PTPRD: variants seen among roughly 807,000 people sequenced by gnomAD.
The protein encoded by PTPRD is protein tyrosine phosphatase receptor type D, also known as receptor-type tyrosine-protein phosphatase delta.
Under a neutral mutation model 214.5 loss-of-function variants are expected in PTPRD, and 34 were observed. The ratio of observed to expected loss-of-function variants is 0.16; its 90% CI spans 0.12 to 0.21. The LOEUF (loss-of-function observed/expected upper bound fraction) is 0.21. Among genes scored for constraint, PTPRD ranks in the 10% least tolerant of loss-of-function variants. The pLI is 1.00. For missense variants in PTPRD, 2,545 were observed against 2,398.7 expected (o/e 1.06, Z -1.27); for synonymous variants, 1,128 against 845.7 (o/e 1.33, Z -5.79).
intron 5 of PTPRD, among the ~76,000 whole-genome samples, chr9:9,839,826 G>C (rs906215188): frequency 8.6e-5 from 13 of 151,888 alleles, no homozygotes; most frequent in Non-Finnish European, 1.5e-4. Flanking sequence ...AAGAAGCCTC[G>C]ATCTCTAATC....
intron 5 of PTPRD, among the ~76,000 whole-genome samples, chr9:9,866,643 TC>T (rs1237733910): frequency 1.3e-5 from 2 of 152,170 alleles, no homozygotes; most frequent in Non-Finnish European, 2.9e-5. Context: ...TAAATTTTCT[TC>T]TTGAAATTAG....
At chr9:9,939,323 G>C (rs956654674) in intron 4 of PTPRD, among the ~76,000 whole-genome samples, 1 of 152,124 alleles carries the variant, frequency 6.6e-6, no homozygotes, top group Non-Finnish European at 1.5e-5. Context: ...CCTTGCTCCA[G>C]TTTGGTAGAC....
chr9:8,617,734 C>G (rs1486958510), intron 14 of PTPRD, among the ~76,000 whole-genome samples: 1 of 151,924 alleles, frequency 6.6e-6, no homozygotes, highest in African/African-American at 2.4e-5. Flanking sequence ...AGTAGATAAA[C>G]TTTCTTAAAA....
chr9:8,945,579 A>G (rs549598984), intron 11 of PTPRD, among the ~76,000 whole-genome samples: 1 of 152,214 alleles, frequency 6.6e-6, no homozygotes, highest in African/African-American at 2.4e-5. Context: ...TTGAAAAAAG[A>G]CACAATAAAC....
chr9:9,241,663 C>T (rs921687951), intron 9 of PTPRD, among the ~76,000 whole-genome samples: 1 of 151,856 alleles, frequency 6.6e-6, no homozygotes, highest in Admixed American at 6.6e-5. Context: ...ACTAGGATTG[C>T]AACCCCTGCC....
In PTPRD at chr9:9,429,708, C is replaced by A. The variant is rs980479144; in HGVS notation, c.-236-32226G>T. Among the ~76,000 whole-genome samples, 52 of 152,180 alleles carry A rather than the reference C, an allele frequency of 3.4e-4. 1 individual carries two copies. The highest frequency in any genetic ancestry group is 1.2e-3 in the African/African-American group (48 of 41,440). ...CATCAAAAAGCTTATCCACCATGAT[C>A]AAGTGGGCTTCATCCCTGGAATGCA... is the stretch of plus-strand genomic sequence containing the variant. On this transcript the variant is annotated intron_variant, in intron 8 of 45. Coordinates refer to ENST00000381196, the MANE Select transcript of PTPRD (RefSeq NM_002839.4).
chr9:10,292,327 A>T (rs754326945), intron 3 of PTPRD, among the ~76,000 whole-genome samples: 6 of 152,004 alleles, frequency 3.9e-5, no homozygotes, highest in Non-Finnish European at 7.4e-5. Flanking sequence ...CCACTATCCT[A>T]GTCCAAACCA....
chr9:9,261,918 G>A (rs919240185), intron 9 of PTPRD, among the ~76,000 whole-genome samples: 4 of 151,702 alleles, frequency 2.6e-5, no homozygotes, highest in Non-Finnish European at 4.4e-5. Context: ...TCCCAGGAAG[G>A]CATCCTACTA....
chr9:9,447,625 G>A (rs995318711), intron 8 of PTPRD, among the ~76,000 whole-genome samples: 1 of 151,940 alleles, frequency 6.6e-6, no homozygotes, highest in Non-Finnish European at 1.5e-5. Context: ...AATGGCAAAT[G>A]TTTACCTGTA....
intron 9 of PTPRD, among the ~76,000 whole-genome samples, chr9:9,388,726 G>C (rs1354008361): frequency 6.6e-6 from 1 of 152,132 alleles, no homozygotes; most frequent in South Asian, 2.1e-4. Flanking sequence ...TTTTATTCCA[G>C]TAATTATAGG....
At chr9:10,272,352 G>A (rs2094467231) in intron 3 of PTPRD, among the ~76,000 whole-genome samples, 1 of 152,114 alleles carries the variant, frequency 6.6e-6, no homozygotes, top group South Asian at 2.1e-4. Flanking sequence ...TTTATGTGTT[G>A]ATGGATATTT....
At chr9:9,121,315 A>G (rs1425548919) in intron 10 of PTPRD, among the ~76,000 whole-genome samples, 1 of 152,210 alleles carries the variant, frequency 6.6e-6, no homozygotes, top group Non-Finnish European at 1.5e-5. Flanking sequence ...GAGCAATGAC[A>G]CTACTGGGTA....
chr9:8,979,994 A>C (rs989257768), intron 11 of PTPRD, among the ~76,000 whole-genome samples: 1 of 152,120 alleles, frequency 6.6e-6, no homozygotes, highest in Non-Finnish European at 1.5e-5. Context: ...GGATACAGAA[A>C]ATGTGGTGTG....
At chr9:9,460,595 G>T (rs7857812) in intron 8 of PTPRD, among the ~76,000 whole-genome samples, 26,215 of 151,750 alleles carry the variant, frequency 0.17, 2,668 homozygotes, top group African/African-American at 0.27. Flanking sequence ...AATAATCATC[G>T]AAGCGATGCA....
intron 11 of PTPRD, among the ~76,000 whole-genome samples, chr9:8,952,157 G>T (rs1262101692): frequency 2.6e-5 from 4 of 151,824 alleles, no homozygotes; most frequent in African/African-American, 7.3e-5. Flanking sequence ...TTTCATGAGG[G>T]CAGGGACTTT....
chr9:10,176,683 A>G (rs1421578131), intron 3 of PTPRD, among the ~76,000 whole-genome samples: 1 of 151,976 alleles, frequency 6.6e-6, no homozygotes, highest in Non-Finnish European at 1.5e-5. Context: ...CTTTAGGAGT[A>G]GCCTCCAGAG....
chr9:10,008,856 G>T (rs1238094856), intron 4 of PTPRD, among the ~76,000 whole-genome samples: 1 of 151,964 alleles, frequency 6.6e-6, no homozygotes, highest in African/African-American at 2.4e-5. Context: ...AACCACACTT[G>T]CCTCTGGTGA....
At chr9:8,743,506 A>G (rs564418278) in intron 11 of PTPRD, among the ~76,000 whole-genome samples, 1 of 152,308 alleles carries the variant, frequency 6.6e-6, no homozygotes. Flanking sequence ...ATAGAGATCA[A>G]TAGTGGAACG....
At chr9:9,842,297 C>CTT (rs2058516617) in intron 5 of PTPRD, among the ~76,000 whole-genome samples, 1 of 76,892 alleles carries the variant, frequency 1.3e-5, no homozygotes, top group African/African-American at 3.9e-5. Flanking sequence ...TGAAGGAGAG[C>CTT]ATTTTTTTTT....
Sources: allele counts gnomAD v4.1 joint callset (sites outside exome capture counted in the v4.1 genomes callset), GRCh38; gene constraint gnomAD v4.1.1; transcripts MANE v1.5; gene names NCBI Gene and HGNC (gene_info 2026-07-23, HGNC 2026-07-21).